POU2F3: variants seen among roughly 807,000 people sequenced by gnomAD.
The protein encoded by POU2F3 is POU class 2 homeobox 3.
Under a neutral mutation model 59.2 loss-of-function variants are expected in POU2F3, and 23 were observed. The ratio of observed to expected loss-of-function variants is 0.39; its 90% confidence interval spans 0.28 to 0.55. POU2F3 has a LOEUF of 0.55. POU2F3 is among the 20% of genes least tolerant of loss of function. The pLI is 0.66. For synonymous variants in POU2F3, 190 were observed against 214.6 expected (o/e 0.89, Z 1.00); for missense variants, 473 against 544.5 (o/e 0.87, Z 1.31).
At chr11:120,251,158 G>C (rs565214187) in intron 2 of POU2F3, among the ~76,000 whole-genome samples, 264 of 152,222 alleles carry the variant, frequency 1.7e-3, no homozygotes, top group Middle Eastern at 0.01. Context: ...TCTCTTTGTA[G>C]AGCCAGGATC....
intron 3 of POU2F3, among the ~76,000 whole-genome samples, chr11:120,276,904 T>C (rs1418492504): frequency 1.3e-5 from 2 of 151,854 alleles, no homozygotes; most frequent in Non-Finnish European, 1.5e-5. Context: ...TCCTAGCACT[T>C]TGGGAGGCCG....
intron 2 of POU2F3, among the ~76,000 whole-genome samples, chr11:120,263,602 G>A (rs570676703): frequency 1.3e-5 from 2 of 152,312 alleles, no homozygotes; most frequent in African/African-American, 4.8e-5. Flanking sequence ...TCAATGCGTT[G>A]GAGTTATCGG....
intron 11 of POU2F3, among the ~76,000 whole-genome samples, chr11:120,316,032 T>G (rs758339039): frequency 2.0e-5 from 3 of 152,084 alleles, no homozygotes; most frequent in Non-Finnish European, 4.4e-5. Context: ...GCCACCACGC[T>G]CGGCTGATTT....
chr11:120,277,636 G>T (rs1940387405), intron 3 of POU2F3, among the ~76,000 whole-genome samples: 1 of 152,018 alleles, frequency 6.6e-6, no homozygotes, highest in East Asian at 1.9e-4. Context: ...AAAAAAATTA[G>T]CCGGGCGCAG....
At chr11:120,239,773 C>A (rs537644832), upstream of POU2F3, among the ~76,000 whole-genome samples, 14 of 152,318 alleles carry the variant, frequency 9.2e-5, no homozygotes, top group South Asian at 8.3e-4. Context: ...AAACTGAATT[C>A]TTTCCAGCAG....
intron 3 of POU2F3, among the ~76,000 whole-genome samples, chr11:120,296,860 G>T (rs11217804): frequency 0.08 from 12,177 of 152,054 alleles, 1,516 homozygotes; most frequent in East Asian, 0.65. Flanking sequence ...AACATAACCC[G>T]TGCATATGTC....
chr11:120,317,528 T>C (rs531887027), intron 12 of POU2F3, among the ~76,000 whole-genome samples, 164 bp downstream of exon 12: 1 of 152,326 alleles, frequency 6.6e-6, no homozygotes, highest in African/African-American at 2.4e-5. Flanking sequence ...ACTTTATCCC[T>C]AGGGAGTGGA....
At chr11:120,309,794 C>T (rs1489748616) in intron 10 of POU2F3, among the ~76,000 whole-genome samples, 2 of 152,140 alleles carry the variant, frequency 1.3e-5, no homozygotes, top group African/African-American at 4.8e-5. Context: ...GAGGACCTCC[C>T]TGAAAAGGGT....
chr11:120,236,656 G>C (rs780441687), upstream of POU2F3: 334 of 1,489,976 alleles, frequency 2.2e-4, no homozygotes, highest in Non-Finnish European at 2.6e-4. Context: ...CCAGCCCAGA[G>C]CTCAAAAAAC....
rs920684362 is a variant in POU2F3 at position 120,289,813 on chromosome 11, C to T, written c.133-8452C>T. On this transcript the variant is annotated intron_variant, in intron 3 of 12. Coordinates refer to ENST00000543440, the MANE Select transcript of POU2F3 (RefSeq NM_014352.4). ...TTCCCTTTTCTCTAGCTATTCTCCTCCCTGACAAAGCGAATGGCAGCCTTT... is the reference window on the plus strand; with the variant it reads ...TTCCCTTTTCTCTAGCTATTCTCCTTCCTGACAAAGCGAATGGCAGCCTTT... Among the ~76,000 whole-genome samples the T allele has an allele frequency of 4.6e-5, 7 of 152,310 alleles. No individual in the cohort carries two copies. In the South Asian group the frequency reaches 6.2e-4, roughly 14 times the overall value.
chr11:120,317,486 G>C, intron 12 of POU2F3, 122 bp downstream of exon 12: 1 of 1,372,514 alleles, frequency 7.3e-7, no homozygotes, highest in Non-Finnish European at 1.0e-6. Flanking sequence ...GAATGGGGTG[G>C]CACAGAGAGG....
chr11:120,238,084 T>A (rs1270636358), upstream of POU2F3, among the ~76,000 whole-genome samples: 1 of 151,836 alleles, frequency 6.6e-6, no homozygotes, highest in Non-Finnish European at 1.5e-5. Context: ...CTACTAAAAA[T>A]ACAAAATTAG....
intron 3 of POU2F3, among the ~76,000 whole-genome samples, chr11:120,280,913 C>G (rs1940540993): frequency 6.6e-6 from 1 of 152,112 alleles, no homozygotes; most frequent in Non-Finnish European, 1.5e-5. Flanking sequence ...GAAGCCGCCT[C>G]CCTGGGCCTG....
intron 5 of POU2F3, chr11:120,301,494 A>G (rs1371580266): frequency 1.9e-5 from 3 of 158,468 alleles, no homozygotes; most frequent in Non-Finnish European, 2.8e-5. Context: ...TGTGACCCAG[A>G]ACAGCCTAGG....
chr11:120,307,374 C>A, intron 8 of POU2F3, 105 bp from the exon 9 acceptor site: 1 of 1,323,566 alleles, frequency 7.6e-7, no homozygotes. Flanking sequence ...CCTGAAAATG[C>A]CACTGCAGAG....
intron 3 of POU2F3, among the ~76,000 whole-genome samples, chr11:120,272,394 C>A (rs1005067338): frequency 6.6e-6 from 1 of 152,164 alleles, no homozygotes; most frequent in Non-Finnish European, 1.5e-5. Context: ...TGGGGAGAGG[C>A]CTGGGAGCCA....
At chr11:120,243,144 C>T (rs1017374891) in intron 1 of POU2F3, among the ~76,000 whole-genome samples, 26 of 152,146 alleles carry the variant, frequency 1.7e-4, no homozygotes, top group African/African-American at 6.0e-4. Flanking sequence ...TCTCCTCTGG[C>T]GGAGAGTTGG....
chr11:120,313,867 A>G (rs1156744963), intron 10 of POU2F3, among the ~76,000 whole-genome samples: 2 of 152,190 alleles, frequency 1.3e-5, no homozygotes, highest in African/African-American at 2.4e-5. Context: ...TACAAAAATT[A>G]GCTGGGCATG....
At chr11:120,264,584 G>A (rs991077754) in intron 2 of POU2F3, among the ~76,000 whole-genome samples, 15 of 152,154 alleles carry the variant, frequency 9.9e-5, no homozygotes, top group Non-Finnish European at 1.6e-4. Flanking sequence ...TTGGGGGGGT[G>A]GTCTAGGGTG....
Sources: allele counts gnomAD v4.1 joint callset (sites outside exome capture counted in the v4.1 genomes callset), GRCh38; gene constraint gnomAD v4.1.1; transcripts MANE v1.5; gene names NCBI Gene and HGNC (gene_info 2026-07-23, HGNC 2026-07-21).